Variants in TAFA5 observed in about 807,000 individuals in gnomAD.
TAFA5 encodes TAFA chemokine like family member 5, also known as chemokine-like protein TAFA-5.
In TAFA5, 6 loss-of-function variants were observed where a neutral mutation model predicts 15.3. The ratio of observed to expected loss-of-function variants is 0.39; its 90% CI spans 0.21 to 0.77. The LOEUF is 0.77. Ranked by LOEUF, TAFA5 falls within the 30% of genes least tolerant of loss-of-function variation. TAFA5 has a pLI of 0.41. For missense variants in TAFA5, 161 were observed against 193.1 expected (o/e 0.83, Z 0.98); for synonymous variants, 103 against 80.7 (o/e 1.28, Z -1.48).
chr22:48,645,529 G>C (rs532777513), intron 1 of TAFA5, among the ~76,000 whole-genome samples: 14 of 152,222 alleles, frequency 9.2e-5, no homozygotes, highest in South Asian at 2.1e-4. Context: ...GGCACCTTTG[G>C]AAGAAATGTG....
intron 2 of TAFA5, among the ~76,000 whole-genome samples, chr22:48,686,341 G>T (rs533747634): frequency 4.6e-5 from 7 of 152,318 alleles, no homozygotes; most frequent in African/African-American, 1.4e-4. Context: ...GTAGGGTCGG[G>T]TTCTGGTGAG....
intron 2 of TAFA5, among the ~76,000 whole-genome samples, chr22:48,677,785 C>T (rs996697504): frequency 6.6e-6 from 1 of 152,172 alleles, no homozygotes; most frequent in Non-Finnish European, 1.5e-5. Context: ...CGTCCCCCTC[C>T]TGGATGACAG....
At chr22:48,727,532 G>T (rs1929749041) in intron 3 of TAFA5, among the ~76,000 whole-genome samples, 1 of 152,016 alleles carries the variant, frequency 6.6e-6, no homozygotes, top group Admixed American at 6.5e-5. Context: ...TGTATGTAAA[G>T]ACAAGACCAA....
intron 1 of TAFA5, among the ~76,000 whole-genome samples, chr22:48,508,032 G>C (rs1004924326): frequency 3.9e-5 from 6 of 152,040 alleles, no homozygotes; most frequent in African/African-American, 1.2e-4. Context: ...GCAGTGGGGA[G>C]AACTGTCACT....
At chr22:48,536,884 G>C (rs1051202357) in intron 1 of TAFA5, among the ~76,000 whole-genome samples, 3 of 152,168 alleles carry the variant, frequency 2.0e-5, no homozygotes, top group African/African-American at 7.2e-5. Flanking sequence ...GGCAGCCCCC[G>C]GACACCCTGG....
intron 1 of TAFA5, among the ~76,000 whole-genome samples, chr22:48,541,947 C>T (rs369339868): frequency 1.6e-4 from 24 of 152,250 alleles, no homozygotes; most frequent in African/African-American, 5.5e-4. Flanking sequence ...GGAAGGAGCT[C>T]CAGGACGCCG....
intron 2 of TAFA5, among the ~76,000 whole-genome samples, chr22:48,703,169 C>T (rs1928968591): frequency 6.6e-6 from 1 of 152,028 alleles, no homozygotes; most frequent in Non-Finnish European, 1.5e-5. Context: ...TGTGTGTGTG[C>T]CTGCATGCCT....
intron 1 of TAFA5, among the ~76,000 whole-genome samples, chr22:48,528,799 A>G (rs939412752): frequency 3.9e-5 from 6 of 152,342 alleles, no homozygotes; most frequent in Non-Finnish European, 5.9e-5. Flanking sequence ...CGCTTGCACC[A>G]GGAGCACTGG....
intron 2 of TAFA5, among the ~76,000 whole-genome samples, chr22:48,683,525 G>T (rs962630676): frequency 6.6e-6 from 1 of 152,212 alleles, no homozygotes; most frequent in Non-Finnish European, 1.5e-5. Context: ...GAAGGGACGG[G>T]CTGAGGCCAG....
In TAFA5 at chr22:48,550,868, T is replaced by C. The variant is rs1450592348; in HGVS notation, c.112+61164T>C. 6.6e-6 allele frequency among the ~76,000 whole-genome samples: 1 copy of C among 152,126 alleles called. No homozygotes were observed. The highest frequency in any genetic ancestry group is 6.5e-5 in the Admixed American group (1 of 15,276). ...GTGCCCGGGACCATGTGGATCCCTT[T>C]CGTTCCTGTGTCACCTGGGGGTGAG... On this transcript the variant is annotated intron_variant, in intron 1 of 3. Coordinates refer to ENST00000402357, the MANE Select transcript of TAFA5 (RefSeq NM_001082967.3). This position sits in a 1 kb window ranked among gnomAD's most constrained non-coding sequence, Gnocchi z 4.1.
At chr22:48,546,818 A>G (rs1310785647) in intron 1 of TAFA5, 1 of 332,388 alleles carries the variant, frequency 3.0e-6, no homozygotes, top group Non-Finnish European at 6.0e-6. Flanking sequence ...GGCTCTGGTC[A>G]CTTCCAGGAG....
chr22:48,546,631 A>C (rs760379006), intron 1 of TAFA5: 4 of 470,888 alleles, frequency 8.5e-6, no homozygotes, highest in South Asian at 6.2e-5. Context: ...GCGTGAGGGC[A>C]TGGCCTGGCG....
At chr22:48,597,844 C>G (rs1164182451) in intron 1 of TAFA5, among the ~76,000 whole-genome samples, 1 of 152,164 alleles carries the variant, frequency 6.6e-6, no homozygotes, top group Non-Finnish European at 1.5e-5. Context: ...GGAAAGTGCC[C>G]CAGAAGGGGG....
At chr22:48,606,824 T>A (rs1338124398) in intron 1 of TAFA5, among the ~76,000 whole-genome samples, 1 of 152,208 alleles carries the variant, frequency 6.6e-6, no homozygotes, top group African/African-American at 2.4e-5. Context: ...GGCGCTCTGA[T>A]GATTTAGTGC....
intron 1 of TAFA5, among the ~76,000 whole-genome samples, chr22:48,561,942 C>T (rs1405057768): frequency 1.3e-5 from 2 of 152,172 alleles, no homozygotes; most frequent in South Asian, 2.1e-4. Context: ...CGGCTCATGG[C>T]CACTGGTCAC....
chr22:48,500,546 G>A (rs1920946243), intron 1 of TAFA5, among the ~76,000 whole-genome samples: 1 of 152,266 alleles, frequency 6.6e-6, no homozygotes, highest in Non-Finnish European at 1.5e-5. Context: ...CTGCTGAGGA[G>A]GAAGGGGGTG....
chr22:48,573,772 G>A (rs1293105732), intron 1 of TAFA5, among the ~76,000 whole-genome samples: 2 of 152,078 alleles, frequency 1.3e-5, no homozygotes, highest in Admixed American at 6.5e-5. Context: ...TTTACAGAAG[G>A]ATCTTCCAAT....
intron 1 of TAFA5, among the ~76,000 whole-genome samples, chr22:48,595,480 G>A (rs1394374925): frequency 3.3e-5 from 5 of 152,234 alleles, no homozygotes; most frequent in Admixed American, 6.5e-5. Flanking sequence ...AAGTGCTGCC[G>A]GTAGCTATGA....
chr22:48,596,652 A>G (rs142186975), intron 1 of TAFA5, among the ~76,000 whole-genome samples: 14 of 152,266 alleles, frequency 9.2e-5, no homozygotes, highest in Non-Finnish European at 1.6e-4. Flanking sequence ...CGCTGTTATT[A>G]ACCGAGGCCC....
Sources: allele counts gnomAD v4.1 joint callset (sites outside exome capture counted in the v4.1 genomes callset), GRCh38; gene constraint gnomAD v4.1.1; non-coding constraint Gnocchi (gnomAD v3.1); transcripts MANE v1.5; gene names NCBI Gene and HGNC (gene_info 2026-07-23, HGNC 2026-07-21).